Variants in ZNF407 observed in about 807,000 individuals in gnomAD.
ZNF407 encodes the protein zinc finger protein 407.
A neutral mutation model predicts 131.2 loss-of-function variants in ZNF407; 17 were observed. The observed-to-expected ratio is 0.13, with a 90% CI of 0.09 to 0.19. ZNF407 has a LOEUF of 0.19. Among genes scored for constraint, ZNF407 ranks in the 10% least tolerant of loss-of-function variants. The pLI, the probability that ZNF407 is intolerant of heterozygous loss-of-function variation, is 1.00. For synonymous variants in ZNF407, 1,156 were observed against 1,062.0 expected, an observed-to-expected ratio of 1.09 and a Z score of -1.72; for missense variants, 2,681 against 2,830.6, an observed-to-expected ratio of 0.95 and a Z score of 1.20.
intron 4 of ZNF407, among the ~76,000 whole-genome samples, chr18:74,825,930 A>C (rs1970404098): frequency 6.6e-6 from 1 of 152,234 alleles, no homozygotes; most frequent in Non-Finnish European, 1.5e-5. Context: ...GCACTAAGCT[A>C]GCACAAAGCA....
chr18:75,044,954 G>T (rs998700833), intron 8 of ZNF407, among the ~76,000 whole-genome samples: 3 of 152,108 alleles, frequency 2.0e-5, no homozygotes, highest in Admixed American at 1.3e-4. Flanking sequence ...TTACAGCAAA[G>T]AATTTCTTCT....
At chr18:74,936,159 T>C (rs1193632255) in intron 8 of ZNF407, among the ~76,000 whole-genome samples, 1 of 152,224 alleles carries the variant, frequency 6.6e-6, no homozygotes, top group Non-Finnish European at 1.5e-5. Context: ...TTTGAACATA[T>C]TAAATTTTTA....
intron 8 of ZNF407, among the ~76,000 whole-genome samples, chr18:75,000,538 A>G (rs1270087433): frequency 6.6e-6 from 1 of 152,218 alleles, no homozygotes; most frequent in Non-Finnish European, 1.5e-5. Flanking sequence ...CTCTGAAATA[A>G]ATCTGTCAAA....
chr18:74,895,231 T>TTG (rs1568259196), intron 7 of ZNF407, among the ~76,000 whole-genome samples: 21 of 151,418 alleles, frequency 1.4e-4, no homozygotes, highest in South Asian at 2.1e-4. Context: ...TTTCTTTTTT[T>TTG]GGTGAGGGGA....
intron 3 of ZNF407, among the ~76,000 whole-genome samples, chr18:74,707,560 G>A (rs1055874576): frequency 2.0e-5 from 3 of 152,066 alleles, no homozygotes; most frequent in East Asian, 1.9e-4. Flanking sequence ...CAAAAGTTTC[G>A]GATTTCGTAG....
Position 74,633,767 on chromosome 18 carries a change from T to A in ZNF407, c.2748T>A (p.Ser916Arg). The change falls in exon 2 of 9, where the codon AGT becomes AGA. Residue 916 changes from serine to arginine, a missense_variant. This residue lies in a region of ZNF407 where 1,789 missense variants were observed against 1,748.7 expected (regional missense o/e 1.02). Coordinates refer to ENST00000299687, the MANE Select transcript of ZNF407 (RefSeq NM_017757.3). ...AAATAGAAGCAAGTGGAAAACACAG[T>A]TCAGATATCATTGTTGGCCCTGAAG... ...RVEIEASGKH[S>R]SDIIVGPEGG... The A allele has an allele frequency of 6.2e-7, 1 of 1,612,534 alleles. No homozygotes were observed. The highest frequency in any genetic ancestry group is 8.5e-7 in the Non-Finnish European group (1 of 1,179,540).
chr18:74,758,166 C>T (rs1465451220), intron 3 of ZNF407, among the ~76,000 whole-genome samples: 2 of 152,078 alleles, frequency 1.3e-5, no homozygotes, highest in Non-Finnish European at 1.5e-5. Flanking sequence ...AGGATTTACA[C>T]GTGCTATTTT....
At chr18:74,648,289 G>GGCGT (rs2144703506) in intron 3 of ZNF407, among the ~76,000 whole-genome samples, 1 of 152,266 alleles carries the variant, frequency 6.6e-6, no homozygotes, top group African/African-American at 2.4e-5. Context: ...GATCAACCAT[G>GGCGT]GCGTGCGGGA....
In ZNF407 at chr18:74,634,082, C is replaced by G; in HGVS notation, c.3063C>G (p.His1021Gln). ...GCACAGGTGAGAATAAGTGTTTGCA[C>G]TGTGAGTTTAGTGCTCACTCCTCTG... ...VTGTGENKCLHCEFSAHSSAS... is the reference protein window; with the variant it reads ...VTGTGENKCLQCEFSAHSSAS... The change falls in exon 2 of 9, where the codon CAC (histidine) becomes CAG (glutamine). Residue 1021 changes from histidine to glutamine, a missense_variant. His to Gln is a conservative substitution (Grantham distance 24, BLOSUM62 0). Around this residue, in one of 6 missense-constraint regions of ZNF407, gnomAD observed 1,789 missense variants for 1,748.7 expected, o/e 1.02. Coordinates refer to ENST00000299687, the MANE Select transcript of ZNF407 (RefSeq NM_017757.3). 1 of 1,614,056 alleles carries G rather than the reference C, an allele frequency of 6.2e-7. No homozygotes were observed. Among genetic ancestry groups the G allele is most frequent in the Non-Finnish European group, 8.5e-7 (1 of 1,179,906 alleles).
At chr18:74,812,771 T>C (rs773937322) in intron 4 of ZNF407, among the ~76,000 whole-genome samples, 1 of 152,216 alleles carries the variant, frequency 6.6e-6, no homozygotes, top group Non-Finnish European at 1.5e-5. Flanking sequence ...CTGTTCTCGT[T>C]GTTCCTTCTC....
intron 4 of ZNF407, among the ~76,000 whole-genome samples, chr18:74,784,089 C>T (rs775331796): frequency 6.6e-6 from 1 of 152,156 alleles, no homozygotes; most frequent in African/African-American, 2.4e-5. Context: ...GCAAACCCTT[C>T]GTCAGTATGC....
intron 5 of ZNF407, among the ~76,000 whole-genome samples, chr18:74,878,591 G>A (rs748001107): frequency 1.3e-5 from 2 of 152,016 alleles, no homozygotes; most frequent in Non-Finnish European, 2.9e-5. Flanking sequence ...TTGTTGTTAG[G>A]TCTTGTAGTC....
At position 75,064,375 on chromosome 18, in the gene ZNF407, G is replaced by T; in HGVS notation, c.6654G>T (p.Gln2218His). Residue 2218 changes from glutamine (Q) to histidine (H), a missense_variant, in exon 9 of 9, where the codon CAG becomes CAT. Coordinates refer to ENST00000299687, the MANE Select transcript of ZNF407 (RefSeq NM_017757.3). ...TEAGAPSRAEQLASVVIYTQE... is the reference protein window; with the variant it reads ...TEAGAPSRAEHLASVVIYTQE... ...CCGGGGCCCCAAGCAGGGCAGAGCA[G>T]CTGGCCAGCGTGGTCATCTACACCC... The T allele has an allele frequency of 6.3e-7, 1 of 1,575,166 alleles. No homozygotes were observed. The highest frequency in any genetic ancestry group is 8.6e-7 in the Non-Finnish European group (1 of 1,160,890).
chr18:74,717,606 G>A lies in ZNF407; in HGVS notation c.4803-63822G>A, dbSNP rs17055464. On this transcript the variant is annotated intron_variant, in intron 3 of 8. Coordinates refer to ENST00000299687, the MANE Select transcript of ZNF407 (RefSeq NM_017757.3). ...TAGTAAACCTGTTAAGATTTTATTCGCTTATGTTTGAAGCAAATTTAAGGC... is the reference window on the plus strand; with the variant it reads ...TAGTAAACCTGTTAAGATTTTATTCACTTATGTTTGAAGCAAATTTAAGGC... 3.5e-3 allele frequency among the ~76,000 whole-genome samples: 536 copies of A among 152,108 alleles called. 2 individuals are homozygous for A. The highest frequency in any genetic ancestry group is 0.012 in the African/African-American group (493 of 41,468).
intron 8 of ZNF407, among the ~76,000 whole-genome samples, chr18:75,032,167 G>T (rs1215694388): frequency 6.6e-6 from 1 of 152,166 alleles, no homozygotes; most frequent in Admixed American, 6.5e-5. Context: ...CCACACTAAG[G>T]CTGTCCGTCA....
Position 74,634,932 on chromosome 18 carries a change from A to G in ZNF407, c.3913A>G (p.Asn1305Asp). Residue 1305 changes from asparagine (N) to aspartate (D), a missense_variant, in exon 2 of 9, where the codon AAT becomes GAT. Physicochemically the swap from Asn to Asp is conservative, Grantham distance 23. Coordinates refer to ENST00000299687, the MANE Select transcript of ZNF407 (RefSeq NM_017757.3). ...KGVQEDPVLGNKEILMNSQHE... is the reference protein window; with the variant it reads ...KGVQEDPVLGDKEILMNSQHE... ...TGTCCAAGAAGATCCCGTTCTGGGG[A>G]ATAAGGAAATTCTGATGAATTCACA... The G allele has an allele frequency of 6.2e-7, 1 of 1,613,966 alleles. No individual in the cohort carries two copies. Among genetic ancestry groups the G allele is most frequent in the Non-Finnish European group, 8.5e-7 (1 of 1,179,884 alleles).
chr18:74,732,770 G>C (rs984826435), intron 3 of ZNF407, among the ~76,000 whole-genome samples: 1 of 152,070 alleles, frequency 6.6e-6, no homozygotes, highest in African/African-American at 2.4e-5. Context: ...CTGTCAGATA[G>C]TTTTTCTACC....
At chr18:74,755,440 C>T (rs570510943) in intron 3 of ZNF407, among the ~76,000 whole-genome samples, 1 of 152,154 alleles carries the variant, frequency 6.6e-6, no homozygotes, top group Non-Finnish European at 1.5e-5. Flanking sequence ...TTCCTAGCAT[C>T]GATTGTCTTG....
intron 8 of ZNF407, among the ~76,000 whole-genome samples, chr18:74,946,065 A>T (rs1972150844): frequency 6.6e-6 from 1 of 152,232 alleles, no homozygotes; most frequent in Admixed American, 6.5e-5. Context: ...TGATGTCTCA[A>T]GGTGGTTTGA....
Sources: gnomAD v4.1 joint callset for allele counts (sites outside exome capture counted in the v4.1 genomes callset) on GRCh38, gnomAD v4.1.1 for gene constraint, gnomAD v4.1.1 regional missense constraint, MANE v1.5 for transcripts, NCBI Gene and HGNC (gene_info 2026-07-23, HGNC 2026-07-21) for gene names.